The following LYPD6B variants were observed in gnomAD, a reference collection of about 807,000 sequenced individuals.
LYPD6B encodes LY6/PLAUR domain containing 6B, also known as ly6/PLAUR domain-containing protein 6B.
LYPD6B carries 17 observed loss-of-function variants against 22.8 expected under a neutral mutation model. That is an observed-to-expected ratio of 0.75 (90% CI 0.51 to 1.12). The LOEUF (loss-of-function observed/expected upper bound fraction) is 1.12, where lower values mean the gene tolerates loss of function less well. Among genes scored for constraint, LYPD6B ranks in the 50% most tolerant of loss-of-function variants. The pLI is 0.00. For missense variants in LYPD6B, 221 were observed against 258.3 expected, an observed-to-expected ratio of 0.86 and a Z score of 0.99; for synonymous variants, 106 against 91.6, an observed-to-expected ratio of 1.16 and a Z score of -0.90.
intron 3 of LYPD6B, among the ~76,000 whole-genome samples, chr2:149,189,761 G>A (rs1447044325): frequency 6.6e-6 from 1 of 152,082 alleles, no homozygotes; most frequent in Non-Finnish European, 1.5e-5. Context: ...CTCTTAGCAG[G>A]ATCTCAGGGG....
chr2:149,081,196 C>G (rs1435119121), intron 1 of LYPD6B, among the ~76,000 whole-genome samples: 1 of 152,178 alleles, frequency 6.6e-6, no homozygotes, highest in Non-Finnish European at 1.5e-5. Flanking sequence ...TTTGTAATTA[C>G]TTCCCCTAGT....
At chr2:149,158,336 A>G (rs1689836732) in intron 2 of LYPD6B, among the ~76,000 whole-genome samples, 1 of 152,218 alleles carries the variant, frequency 6.6e-6, no homozygotes, top group Non-Finnish European at 1.5e-5. Context: ...TTATTCAGCC[A>G]TAAAAAGGAA....
intron 1 of LYPD6B, among the ~76,000 whole-genome samples, chr2:149,090,460 G>T (rs17432289): frequency 6.6e-6 from 1 of 151,842 alleles, no homozygotes; most frequent in Admixed American, 6.6e-5. Flanking sequence ...TCTTTTCTTT[G>T]GGCTCAGGAG....
At chr2:149,163,583 G>A (rs1178167919) in intron 3 of LYPD6B, among the ~76,000 whole-genome samples, 1 of 152,166 alleles carries the variant, frequency 6.6e-6, no homozygotes, top group Non-Finnish European at 1.5e-5. Flanking sequence ...AACAAATGGG[G>A]ACTTAAGCCT....
intron 3 of LYPD6B, among the ~76,000 whole-genome samples, chr2:149,193,491 C>G (rs1575157870): frequency 6.6e-6 from 1 of 151,694 alleles, no homozygotes; most frequent in East Asian, 1.9e-4. Context: ...TTTGAGGTGA[C>G]CTTGAGTGAG....
intron 2 of LYPD6B, chr2:149,131,161 A>G (rs1458814596): frequency 2.0e-6 from 1 of 489,654 alleles, no homozygotes; most frequent in Non-Finnish European, 3.6e-6. Flanking sequence ...TTTATGAAAG[A>G]ACTTTTGACA....
chr2:149,212,246 G>A (rs1265825830), intron 5 of LYPD6B, among the ~76,000 whole-genome samples: 3 of 151,318 alleles, frequency 2.0e-5, no homozygotes, highest in Admixed American at 2.0e-4. Context: ...GCCAGGCGTG[G>A]TGGCGGGTGC....
chr2:149,109,886 A>AT (rs138041491), intron 1 of LYPD6B, among the ~76,000 whole-genome samples: 62,256 of 151,250 alleles, frequency 0.41, 13,285 homozygotes, highest in African/African-American at 0.54. Flanking sequence ...TAATTTTTGT[A>AT]TTTTAATAGA....
At chr2:149,086,686 A>G (rs1685409222) in intron 1 of LYPD6B, among the ~76,000 whole-genome samples, 1 of 152,178 alleles carries the variant, frequency 6.6e-6, no homozygotes, top group African/African-American at 2.4e-5. Flanking sequence ...GCAAAATATC[A>G]CAGACCCAGT....
chr2:149,176,521 A>G (rs1010904157), intron 3 of LYPD6B, among the ~76,000 whole-genome samples: 7 of 152,148 alleles, frequency 4.6e-5, no homozygotes, highest in African/African-American at 1.4e-4. Flanking sequence ...ACCTCCATTG[A>G]TAAGTTGTCT....
intron 1 of LYPD6B, among the ~76,000 whole-genome samples, chr2:149,051,428 G>T (rs757259205): frequency 1.6e-4 from 24 of 151,752 alleles, no homozygotes; most frequent in Non-Finnish European, 2.9e-4. Flanking sequence ...GCCTCCCAAA[G>T]TGCTGGGATT....
chr2:149,134,058 G>A (rs1688194715), intron 2 of LYPD6B, among the ~76,000 whole-genome samples: 1 of 152,154 alleles, frequency 6.6e-6, no homozygotes, highest in Admixed American at 6.5e-5. Context: ...CAGCAGGGAA[G>A]GGGGCTGGGG....
chr2:149,189,499 T>C (rs1045241668), intron 3 of LYPD6B, among the ~76,000 whole-genome samples: 1 of 151,760 alleles, frequency 6.6e-6, no homozygotes, highest in Non-Finnish European at 1.5e-5. Context: ...ACATAGAGTT[T>C]AGATAAATCC....
chr2:149,192,456 A>G (rs561169734), intron 3 of LYPD6B, among the ~76,000 whole-genome samples: 5 of 144,640 alleles, frequency 3.5e-5, no homozygotes, highest in African/African-American at 1.3e-4. Context: ...TATCTCCTAG[A>G]CTCTGTCTAT....
At chr2:149,088,682 C>T (rs1257710794) in intron 1 of LYPD6B, among the ~76,000 whole-genome samples, 1 of 152,150 alleles carries the variant, frequency 6.6e-6, no homozygotes, top group East Asian at 1.9e-4. Flanking sequence ...TAAGCACATA[C>T]AATAACATTC....
intron 3 of LYPD6B, among the ~76,000 whole-genome samples, chr2:149,185,509 AG>A (rs1379793662): frequency 6.6e-6 from 1 of 152,216 alleles, no homozygotes; most frequent in African/African-American, 2.4e-5. Flanking sequence ...TTGGAGAAAA[AG>A]GAAAGTAAGC....
chr2:149,062,992 A>G (rs1684162267), intron 1 of LYPD6B, among the ~76,000 whole-genome samples: 2 of 151,286 alleles, frequency 1.3e-5, no homozygotes, highest in South Asian at 4.2e-4. Flanking sequence ...AAGGTTCACC[A>G]AGTCCCTCCT....
chr2:149,205,871 G>C (rs1363112376), intron 4 of LYPD6B: 1 of 282,094 alleles, frequency 3.5e-6, no homozygotes, highest in African/African-American at 2.3e-5. Context: ...ATTAGCAAAG[G>C]TTACATAAGA....
At chr2:149,040,587 G>GGA (rs1206118744) in intron 1 of LYPD6B, among the ~76,000 whole-genome samples, 13 of 152,096 alleles carry the variant, frequency 8.5e-5, no homozygotes, top group African/African-American at 3.1e-4. Context: ...CAGCAGACAG[G>GGA]GAGAGGTTTA....
Sources: gnomAD v4.1 joint callset for allele counts (sites outside exome capture counted in the v4.1 genomes callset) on GRCh38, gnomAD v4.1.1 for gene constraint, MANE v1.5 for transcripts, NCBI Gene and HGNC (gene_info 2026-07-23, HGNC 2026-07-21) for gene names.